Variants in CACNA2D3 observed in about 807,000 individuals in gnomAD.
CACNA2D3 encodes voltage-dependent calcium channel subunit alpha-2/delta-3.
In CACNA2D3, 60 loss-of-function variants were observed where a neutral mutation model predicts 160.6. The observed-to-expected ratio is 0.37, with a 90% CI of 0.30 to 0.46. The LOEUF (loss-of-function observed/expected upper bound fraction) is 0.46. Ranked by LOEUF, CACNA2D3 falls within the 20% of genes least tolerant of loss-of-function variation. CACNA2D3 has a pLI of 1.00. For synonymous variants in CACNA2D3, 558 were observed against 492.9 expected (o/e 1.13, Z -1.75); for missense variants, 1,205 against 1,365.0 (o/e 0.88, Z 1.85).
In CACNA2D3 at chr3:55,032,024, T is replaced by C. The variant is rs534600665; in HGVS notation, c.2987+13707T>C. Among the ~76,000 whole-genome samples the C allele has an allele frequency of 3.7e-4, 56 of 152,336 alleles. No homozygotes were observed. In the South Asian group the frequency reaches 9.3e-3, roughly 25 times the overall value. On this transcript the variant is annotated intron_variant, in intron 35 of 37. Transcript: ENST00000474759. ...AGATCTAAGCCTATATGAGAATTCA[T>C]ATATGATTACTGTTTATCGAATGCC...
intron 11 of CACNA2D3, among the ~76,000 whole-genome samples, chr3:54,686,961 TA>T (rs1198857288): frequency 6.6e-6 from 1 of 152,064 alleles, no homozygotes; most frequent in Non-Finnish European, 1.5e-5. Context: ...AACTACTTAA[TA>T]AAAAGGGCTG....
At chr3:55,020,156 T>C (rs967310327) in intron 35 of CACNA2D3, among the ~76,000 whole-genome samples, 8 of 151,720 alleles carry the variant, frequency 5.3e-5, no homozygotes, top group African/African-American at 1.9e-4. Context: ...CATGTTACAT[T>C]AATATTTCTA....
intron 11 of CACNA2D3, among the ~76,000 whole-genome samples, chr3:54,752,033 C>T (rs1701866910): frequency 6.6e-6 from 1 of 151,956 alleles, no homozygotes; most frequent in African/African-American, 2.4e-5. Flanking sequence ...TCTTCAGGAA[C>T]CAAAAGCTTA....
chr3:54,276,389 C>T (rs538332213), intron 2 of CACNA2D3, among the ~76,000 whole-genome samples: 9 of 151,928 alleles, frequency 5.9e-5, no homozygotes, highest in South Asian at 4.2e-4. Flanking sequence ...GCCACCACGG[C>T]GAAACCCTGT....
chr3:54,554,870 CTTTTTTT>C (rs66526065), intron 5 of CACNA2D3, among the ~76,000 whole-genome samples: 9 of 96,164 alleles, frequency 9.4e-5, no homozygotes, highest in East Asian at 3.0e-4. Context: ...CTCTCACTCT[CTTTTTTT>C]TTTTTTTTTT....
At chr3:54,725,345 C>T (rs1016316401) in intron 11 of CACNA2D3, among the ~76,000 whole-genome samples, 1 of 152,174 alleles carries the variant, frequency 6.6e-6, no homozygotes, top group Non-Finnish European at 1.5e-5. Flanking sequence ...CAAAGAGGAG[C>T]TAGTACCATT....
At chr3:54,319,684 C>T (rs78775756) in intron 2 of CACNA2D3, among the ~76,000 whole-genome samples, 13,222 of 152,054 alleles carry the variant, frequency 0.087, 641 homozygotes, top group Middle Eastern at 0.14. Context: ...TCCCTGAGAG[C>T]GTCTCTTTAT....
chr3:55,068,863 TACTGAGAAGTAA>T (rs1257970570), intron 35 of CACNA2D3, among the ~76,000 whole-genome samples: 1 of 152,208 alleles, frequency 6.6e-6, no homozygotes, highest in Non-Finnish European at 1.5e-5. Context: ...GAGTTTACTT[TACTGAGAAGTAA>T]AACTACAGAG....
chr3:54,829,565 A>G (rs1703824213), intron 14 of CACNA2D3, among the ~76,000 whole-genome samples: 1 of 152,124 alleles, frequency 6.6e-6, no homozygotes, highest in East Asian at 1.9e-4. Flanking sequence ...TCACAAACTA[A>G]TTGTACAGAG....
chr3:54,730,613 C>T (rs1328410943), intron 11 of CACNA2D3, among the ~76,000 whole-genome samples: 1 of 152,198 alleles, frequency 6.6e-6, no homozygotes, highest in African/African-American at 2.4e-5. Context: ...AGCAATTCTC[C>T]TGTCTCCACC....
At chr3:54,548,990 C>T (rs562568051) in intron 5 of CACNA2D3, among the ~76,000 whole-genome samples, 1 of 152,298 alleles carries the variant, frequency 6.6e-6, no homozygotes, top group South Asian at 2.1e-4. Context: ...TCCAGCTATA[C>T]CTCAGTAAAG....
chr3:54,192,983 C>CT lies in CACNA2D3; in HGVS notation c.204+69393dup, dbSNP rs1307930641. Among the ~76,000 whole-genome samples the CT allele has an allele frequency of 2.6e-5, 4 of 152,208 alleles. 1 individual carries two copies. Among genetic ancestry groups the CT allele is most frequent in the African/African-American group, 9.7e-5 (4 of 41,450 alleles). Reference sequence around the variant, plus strand: ...CCAGCACAGGCTATCCTTCAAATGTCTTTTCCCCCATACCTGGGATGAGGA... The same window carrying CT: ...CCAGCACAGGCTATCCTTCAAATGTCTTTTTCCCCCATACCTGGGATGAGGA... On this transcript the variant is annotated intron_variant, in intron 2 of 37. Coordinates refer to ENST00000474759, the MANE Select transcript of CACNA2D3 (RefSeq NM_018398.3).
At chr3:54,822,761 T>TCTTC (rs1703641985) in intron 14 of CACNA2D3, among the ~76,000 whole-genome samples, 1 of 84,276 alleles carries the variant, frequency 1.2e-5, no homozygotes, top group Non-Finnish European at 2.4e-5. Context: ...TTTCTTTCTT[T>TCTTC]CTTTCTTTCT....
At chr3:54,692,197 C>T (rs1007020703) in intron 11 of CACNA2D3, among the ~76,000 whole-genome samples, 3 of 152,216 alleles carry the variant, frequency 2.0e-5, no homozygotes, top group Admixed American at 2.0e-4. Flanking sequence ...TGGTCTCAAA[C>T]TCCTGATCTC....
At chr3:54,293,289 G>A (rs1000093785) in intron 2 of CACNA2D3, among the ~76,000 whole-genome samples, 1 of 151,942 alleles carries the variant, frequency 6.6e-6, no homozygotes, top group Non-Finnish European at 1.5e-5. Context: ...TGAGAATTTG[G>A]TGCACCCATC....
At chr3:54,531,284 C>T (rs185006975) in intron 5 of CACNA2D3, among the ~76,000 whole-genome samples, 111 of 152,330 alleles carry the variant, frequency 7.3e-4, no homozygotes, top group African/African-American at 2.6e-3. Flanking sequence ...AAACTTGGGC[C>T]GGGACTTACA....
chr3:54,213,669 T>C (rs1416814003), intron 2 of CACNA2D3, among the ~76,000 whole-genome samples: 1 of 152,240 alleles, frequency 6.6e-6, no homozygotes, highest in East Asian at 1.9e-4. Flanking sequence ...CCCACTGGTC[T>C]CATTTGACAT....
chr3:54,983,427 A>G (rs1702549398), intron 29 of CACNA2D3, among the ~76,000 whole-genome samples: 1 of 152,244 alleles, frequency 6.6e-6, no homozygotes, highest in South Asian at 2.1e-4. Context: ...AAGCTTATCA[A>G]GACTCCCTCC....
chr3:54,598,444 T>A (rs541727666), intron 9 of CACNA2D3, among the ~76,000 whole-genome samples: 253 of 152,130 alleles, frequency 1.7e-3, no homozygotes, highest in Non-Finnish European at 2.5e-3. Flanking sequence ...TTTTGCCCAG[T>A]GCCCAGCATC....
Sources: allele counts gnomAD v4.1 joint callset (sites outside exome capture counted in the v4.1 genomes callset), GRCh38; gene constraint gnomAD v4.1.1; transcripts MANE v1.5; gene names NCBI Gene and HGNC (gene_info 2026-07-23, HGNC 2026-07-21).